Variants in EPS15L1 observed in about 807,000 individuals in gnomAD.
EPS15L1 encodes epidermal growth factor receptor pathway substrate 15 like 1, also known as epidermal growth factor receptor substrate 15-like 1.
In EPS15L1, 43 loss-of-function variants were observed where a neutral mutation model predicts 117.1. The observed-to-expected ratio is 0.37, with a 90% CI of 0.29 to 0.47. EPS15L1 has a LOEUF of 0.47. Ranked by LOEUF, EPS15L1 falls within the 20% of genes least tolerant of loss-of-function variation. The pLI is 0.99. For synonymous variants in EPS15L1, 459 were observed against 470.5 expected, an observed-to-expected ratio of 0.98 and a Z score of 0.32; for missense variants, 981 against 1,164.0, an observed-to-expected ratio of 0.84 and a Z score of 2.29.
At chr19:16,397,994 G>A (rs1005627746) in intron 16 of EPS15L1, among the ~76,000 whole-genome samples, 2 of 152,084 alleles carry the variant, frequency 1.3e-5, no homozygotes, top group South Asian at 2.1e-4. Context: ...TATTCCAACC[G>A]ACCAAAACAA....
intron 6 of EPS15L1, chr19:16,434,859 G>A (rs556121584): frequency 4.0e-5 from 7 of 174,230 alleles, no homozygotes; most frequent in Non-Finnish European, 8.5e-5. Context: ...ACTTGTACCA[G>A]AAAGACAAAA....
At chr19:16,469,340 G>A (rs541423585) in intron 1 of EPS15L1, among the ~76,000 whole-genome samples, 13 of 152,224 alleles carry the variant, frequency 8.5e-5, no homozygotes, top group Admixed American at 5.9e-4. Context: ...CCAGTGTTGC[G>A]GAGTTCGAGG....
intron 23 of EPS15L1, among the ~76,000 whole-genome samples, chr19:16,359,807 A>C (rs2092027630): frequency 6.6e-6 from 1 of 151,944 alleles, no homozygotes; most frequent in South Asian, 2.1e-4. Flanking sequence ...GGCTGCAGTG[A>C]AGCTGTGACT....
At chr19:16,360,370 G>GTGCGCATCTAGGGTCAA in intron 23 of EPS15L1, among the ~76,000 whole-genome samples, 1 of 152,082 alleles carries the variant, frequency 6.6e-6, no homozygotes, top group East Asian at 1.9e-4. Flanking sequence ...TAGACCCCCA[G>GTGCGCATCTAGGGTCAA]TGCGCATCTA....
intron 9 of EPS15L1, among the ~76,000 whole-genome samples, chr19:16,422,126 C>T (rs1479901760): frequency 2.0e-5 from 3 of 152,238 alleles, no homozygotes; most frequent in Non-Finnish European, 1.5e-5. Context: ...GATGGAGCCA[C>T]GAGCCCAGTG....
chr19:16,456,256 T>A lies in EPS15L1; in HGVS notation c.34-14037A>T, dbSNP rs1231296580. Reference sequence around the variant, plus strand: ...AGGGTCCACCCTTGGATTCCCCAGCTCTCCCTTCTTTGGACCTGGAAATTT... The same window carrying A: ...AGGGTCCACCCTTGGATTCCCCAGCACTCCCTTCTTTGGACCTGGAAATTT... On this transcript the variant is annotated intron_variant, in intron 1 of 23. Transcript: ENST00000455140. Among the ~76,000 whole-genome samples the A allele has an allele frequency of 2.0e-5, 3 of 152,050 alleles. No homozygotes were observed. In the East Asian group the frequency reaches 5.8e-4, roughly 29 times the overall value.
intron 16 of EPS15L1, chr19:16,401,913 CAT>C: frequency 9.9e-7 from 1 of 1,005,298 alleles, no homozygotes; most frequent in Non-Finnish European, 1.2e-6. Flanking sequence ...CACACATACA[CAT>C]AGACACATGC....
intron 22 of EPS15L1, among the ~76,000 whole-genome samples, chr19:16,363,039 C>T (rs2092080723): frequency 6.6e-6 from 1 of 152,162 alleles, no homozygotes; most frequent in Admixed American, 6.5e-5. Flanking sequence ...GTGCATCCTG[C>T]CAATGTACCA....
intron 7 of EPS15L1, among the ~76,000 whole-genome samples, chr19:16,429,871 A>G (rs1351895719): frequency 6.6e-6 from 1 of 152,350 alleles, no homozygotes; most frequent in East Asian, 1.9e-4. Flanking sequence ...CCTCAGCACT[A>G]CTGCCTGTTA....
At chr19:16,395,302 C>A (rs2144790476) in intron 17 of EPS15L1, 42 bp downstream of exon 17, 1 of 1,566,566 alleles carries the variant, frequency 6.4e-7, no homozygotes, top group East Asian at 2.3e-5. Context: ...CGACATAAAA[C>A]ACACAGTCTT....
At chr19:16,456,362 G>A (rs1438577247) in intron 1 of EPS15L1, among the ~76,000 whole-genome samples, 3 of 152,142 alleles carry the variant, frequency 2.0e-5, no homozygotes, top group Non-Finnish European at 4.4e-5. Context: ...GTAGGACAGA[G>A]TCCTGGGCTT....
chr19:16,373,554 C>A (rs2092254729), intron 22 of EPS15L1, among the ~76,000 whole-genome samples: 1 of 152,050 alleles, frequency 6.6e-6, no homozygotes, highest in African/African-American at 2.4e-5. Context: ...AACAAGAGAT[C>A]TGCCTTGTGT....
chr19:16,438,219 G>A (rs1199249322), intron 4 of EPS15L1, among the ~76,000 whole-genome samples: 1 of 152,118 alleles, frequency 6.6e-6, no homozygotes, highest in Admixed American at 6.6e-5. Context: ...CAGGCGTGGT[G>A]GCAGGTGCCT....
In EPS15L1 at chr19:16,459,533, C is replaced by A. The variant is rs369546255; in HGVS notation, c.33+12380G>T. Among the ~76,000 whole-genome samples the A allele has an allele frequency of 9.9e-5, 15 of 152,160 alleles. No individual in the cohort carries two copies. In the East Asian group the frequency reaches 1.9e-3, roughly 20 times the overall value. ...GGAAGGTGCAGTTGGTAGTGGGGAG[C>A]GGGCAGACATAGCTCTGTGGCTCAG... On this transcript the variant is annotated intron_variant, in intron 1 of 23. Transcript: ENST00000455140.
chr19:16,440,959 C>T (rs762953509), intron 3 of EPS15L1, 50 bp from the exon 4 acceptor site: 20 of 1,594,316 alleles, frequency 1.3e-5, no homozygotes, highest in Admixed American at 3.3e-5. Flanking sequence ...TCACTGTCCA[C>T]GTGTTAACAA....
intron 1 of EPS15L1, among the ~76,000 whole-genome samples, chr19:16,461,299 G>A (rs1282152057): frequency 5.5e-4 from 70 of 128,270 alleles, no homozygotes; most frequent in African/African-American, 1.8e-3. Flanking sequence ...GCAAGACTCC[G>A]TCTCTTAAAA....
chr19:16,453,742 G>T (rs952136241), intron 1 of EPS15L1, among the ~76,000 whole-genome samples: 1 of 151,800 alleles, frequency 6.6e-6, no homozygotes, highest in African/African-American at 2.4e-5. Flanking sequence ...TGACTTATCG[G>T]GTACTATGTT....
intron 12 of EPS15L1, among the ~76,000 whole-genome samples, chr19:16,416,669 C>T (rs2092760684): frequency 6.6e-6 from 1 of 151,150 alleles, no homozygotes; most frequent in African/African-American, 2.4e-5. Flanking sequence ...ATCTAGCCAG[C>T]ATGGTGGTGC....
At chr19:16,427,763 G>A (rs1366724203) in intron 8 of EPS15L1, among the ~76,000 whole-genome samples, 2 of 152,156 alleles carry the variant, frequency 1.3e-5, no homozygotes, top group South Asian at 2.1e-4. Flanking sequence ...CTGTGATGGA[G>A]TGCACCTGTA....
Sources: gnomAD v4.1 joint callset for allele counts (sites outside exome capture counted in the v4.1 genomes callset) on GRCh38, gnomAD v4.1.1 for gene constraint, MANE v1.5 for transcripts, NCBI Gene and HGNC (gene_info 2026-07-23, HGNC 2026-07-21) for gene names.